Variants in ASAP2 observed in about 807,000 individuals in gnomAD.
The protein encoded by ASAP2 is ArfGAP with SH3 domain, ankyrin repeat and PH domain 2, also known as arf-GAP with SH3 domain, ANK repeat and PH domain-containing protein 2.
In ASAP2, 45 loss-of-function variants were observed where a neutral mutation model predicts 131.4. That is an observed-to-expected ratio of 0.34 (90% CI 0.27 to 0.44). The LOEUF (loss-of-function observed/expected upper bound fraction) is 0.44, where lower values mean the gene tolerates loss of function less well. ASAP2 is among the 20% of genes least tolerant of loss of function. The probability of loss-of-function intolerance (pLI) is 1.00; values close to 1 mark genes in which losing one functional copy is unlikely to be tolerated. For synonymous variants in ASAP2, 510 were observed against 503.0 expected (o/e 1.01, Z -0.19); for missense variants, 1,011 against 1,297.0 (o/e 0.78, Z 3.39).
Position 9,389,410 on chromosome 2 carries a change from C to G in ASAP2, c.2383+864C>G, listed in dbSNP as rs1402456787. Among the ~76,000 whole-genome samples, 4 of 152,226 alleles carry G rather than the reference C, an allele frequency of 2.6e-5. No homozygotes were observed. The highest frequency in any genetic ancestry group is 4.4e-5 in the Non-Finnish European group (3 of 68,036). On this transcript the variant is annotated intron_variant, in intron 22 of 27. Coordinates refer to ENST00000281419, the MANE Select transcript of ASAP2 (RefSeq NM_003887.3). This position sits in a 1 kb window ranked among gnomAD's most constrained non-coding sequence, Gnocchi z 4.7. ...GCTGTGAGCCGCTGATGGAGTGGAGCCCACGTCCCCAAATACATCCCAAAC... is the reference window on the plus strand; with the variant it reads ...GCTGTGAGCCGCTGATGGAGTGGAGGCCACGTCCCCAAATACATCCCAAAC...
chr2:9,321,100 T>C (rs1289866800), intron 5 of ASAP2, among the ~76,000 whole-genome samples: 2 of 152,180 alleles, frequency 1.3e-5, no homozygotes, highest in African/African-American at 4.8e-5. Context: ...AATCTCTGTG[T>C]CTTGGAGTGC....
intron 25 of ASAP2, 143 bp downstream of exon 25, chr2:9,400,215 C>G: frequency 2.8e-6 from 2 of 712,108 alleles, no homozygotes; most frequent in Non-Finnish European, 4.4e-6. Context: ...CCCCTCCTGC[C>G]CCCTCCCCTC....
chr2:9,308,811 A>C (rs565869812), intron 3 of ASAP2, among the ~76,000 whole-genome samples: 232 of 152,352 alleles, frequency 1.5e-3, no homozygotes, highest in Non-Finnish European at 2.8e-3. Flanking sequence ...AATGGGGGTC[A>C]CGGCACATAC....
At chr2:9,289,857 A>G (rs1251863165) in intron 2 of ASAP2, among the ~76,000 whole-genome samples, 1 of 152,222 alleles carries the variant, frequency 6.6e-6, no homozygotes, top group Non-Finnish European at 1.5e-5. Flanking sequence ...CTGGGGTACC[A>G]TCCACAAAGA....
intron 1 of ASAP2, among the ~76,000 whole-genome samples, chr2:9,216,606 GCCAACCAC>G (rs1662060193): frequency 6.6e-6 from 1 of 151,808 alleles, no homozygotes; most frequent in Non-Finnish European, 1.5e-5. Context: ...GATTACAGGT[GCCAACCAC>G]CACACCCAGC....
At chr2:9,230,487 TC>T (rs1252271676) in intron 1 of ASAP2, among the ~76,000 whole-genome samples, 2 of 152,192 alleles carry the variant, frequency 1.3e-5, no homozygotes. Context: ...TGAGACTGAT[TC>T]CCCAGTGGTC....
chr2:9,366,293 C>T (rs552240235), intron 15 of ASAP2, among the ~76,000 whole-genome samples: 13 of 152,136 alleles, frequency 8.5e-5, no homozygotes, highest in East Asian at 7.7e-4. Context: ...AGCAGCTCTT[C>T]GATTCCTGGG....
intron 3 of ASAP2, among the ~76,000 whole-genome samples, chr2:9,309,857 G>A (rs1313863103): frequency 1.3e-5 from 2 of 152,226 alleles, no homozygotes; most frequent in Admixed American, 6.5e-5. Context: ...ATTTAAATGT[G>A]AAGAGGGGCA....
chr2:9,266,307 C>T (rs1167658758), intron 1 of ASAP2, among the ~76,000 whole-genome samples: 1 of 152,158 alleles, frequency 6.6e-6, no homozygotes, highest in Non-Finnish European at 1.5e-5. Flanking sequence ...CCACCACACC[C>T]GGCTAATTTT....
At chr2:9,324,366 A>G (rs1335981280) in intron 6 of ASAP2, among the ~76,000 whole-genome samples, 1 of 152,254 alleles carries the variant, frequency 6.6e-6, no homozygotes, top group African/African-American at 2.4e-5. Flanking sequence ...TAATGTTAGA[A>G]TATCTACTTA....
At chr2:9,401,957 T>C (rs993132811) in intron 27 of ASAP2, among the ~76,000 whole-genome samples, 2 of 152,170 alleles carry the variant, frequency 1.3e-5, no homozygotes, top group African/African-American at 4.8e-5. Context: ...CTGGTGCAGG[T>C]GATCTTGTGA....
At chr2:9,388,612 C>A in intron 22 of ASAP2, 66 bp downstream of exon 22, 1 of 1,552,982 alleles carries the variant, frequency 6.4e-7, no homozygotes, top group African/African-American at 1.4e-5. Context: ...GGGAAGTTTG[C>A]AGCTGCCCTG....
chr2:9,394,668 T>C (rs1336651021), intron 24 of ASAP2, among the ~76,000 whole-genome samples: 1 of 152,246 alleles, frequency 6.6e-6, no homozygotes, highest in East Asian at 1.9e-4. Flanking sequence ...TATATTTCTG[T>C]ATTGAAATCC....
chr2:9,333,957 C>T (rs1001611282), intron 7 of ASAP2, among the ~76,000 whole-genome samples: 2 of 151,922 alleles, frequency 1.3e-5, no homozygotes, highest in African/African-American at 2.4e-5. Context: ...TTTCCTACCC[C>T]GCAGACACAG....
intron 3 of ASAP2, among the ~76,000 whole-genome samples, chr2:9,316,087 G>T (rs114871982): frequency 0.016 from 2,422 of 152,230 alleles, 28 homozygotes; most frequent in Non-Finnish European, 0.024. Context: ...GAGAGGCCGA[G>T]GAGGGCAGAT....
chr2:9,237,780 G>A (rs370407285), intron 1 of ASAP2, among the ~76,000 whole-genome samples: 2 of 152,064 alleles, frequency 1.3e-5, no homozygotes, highest in Non-Finnish European at 2.9e-5. Context: ...TTGCTCACCT[G>A]GTGGAGTACA....
At chr2:9,240,574 A>G (rs1006511110) in intron 1 of ASAP2, among the ~76,000 whole-genome samples, 1 of 152,158 alleles carries the variant, frequency 6.6e-6, no homozygotes, top group African/African-American at 2.4e-5. Flanking sequence ...TTTTTCCATC[A>G]TAACTAAGCA....
At chr2:9,261,228 G>A (rs1434516449) in intron 1 of ASAP2, among the ~76,000 whole-genome samples, 2 of 152,214 alleles carry the variant, frequency 1.3e-5, no homozygotes, top group East Asian at 1.9e-4. Flanking sequence ...GTTAGAGAAA[G>A]CCAGCGCTTC....
At position 9,207,140 on chromosome 2, in the gene ASAP2, C is replaced by T. The variant is rs765661549; in HGVS notation, c.36C>T (p.Ala12=). The T allele has an allele frequency of 1.2e-6, 2 of 1,601,346 alleles. No homozygotes were observed. The highest frequency in any genetic ancestry group is 1.4e-5 in the African/African-American group (1 of 73,648). Residue 12 remains alanine, a synonymous_variant, in exon 1 of 28, where the codon GCC becomes GCT. Transcript: ENST00000281419. This position sits in a 1 kb window ranked among gnomAD's most constrained non-coding sequence, Gnocchi z 4.1. ...AGATCTCCGTGTCGGAATTCGTGGC[C>T]GAGACCCATGAGGACTACAAGGCGC... ...PDQISVSEFV[A]ETHEDYKAPT...
Sources: allele counts gnomAD v4.1 joint callset (sites outside exome capture counted in the v4.1 genomes callset), GRCh38; gene constraint gnomAD v4.1.1; non-coding constraint Gnocchi (gnomAD v3.1); transcripts MANE v1.5; gene names NCBI Gene and HGNC (gene_info 2026-07-23, HGNC 2026-07-21).